Variants in GPAT3 observed in about 807,000 individuals in gnomAD.
GPAT3 encodes glycerol-3-phosphate acyltransferase 3, also known as 1-AGP acyltransferase 9.
Under a neutral mutation model 58.8 loss-of-function variants are expected in GPAT3, and 53 were observed. The ratio of observed to expected loss-of-function variants is 0.90; its 90% CI spans 0.72 to 1.13. The LOEUF (loss-of-function observed/expected upper bound fraction) is 1.13, where lower values mean the gene tolerates loss of function less well. Among genes scored for constraint, GPAT3 ranks in the 50% most tolerant of loss-of-function variants. GPAT3 has a pLI of 0.00. For synonymous variants in GPAT3, 197 were observed against 187.4 expected (o/e 1.05, Z -0.42); for missense variants, 511 against 527.6 (o/e 0.97, Z 0.31).
Position 83,587,290 on chromosome 4 carries a change from T to C in GPAT3, c.515T>C (p.Val172Ala). 1 of 1,614,072 alleles carries C rather than the reference T, an allele frequency of 6.2e-7. No individual in the cohort carries two copies. The highest frequency in any genetic ancestry group is 1.1e-5 in the South Asian group (1 of 91,068). Residue 172 changes from valine (V) to alanine (A), a missense_variant, in exon 4 of 12, where the codon GTT becomes GCT. Val to Ala is a moderately conservative substitution (Grantham distance 64, BLOSUM62 0). Coordinates refer to ENST00000264409, the MANE Select transcript of GPAT3 (RefSeq NM_032717.5). Reference sequence around the variant, plus strand: ...GCTTTCATTGGGATCAGTTTGCTGGTTATAGGAACTACACTGGTTGGGCAG... The same window carrying C: ...GCTTTCATTGGGATCAGTTTGCTGGCTATAGGAACTACACTGGTTGGGCAG... ...TLAFIGISLL[V>A]IGTTLVGQLP...
rs1404542486 is a variant in GPAT3, at chr4:83,598,095, C to A, written c.1041C>A (p.Tyr347Ter). 1 of 1,613,338 alleles carries A rather than the reference C, an allele frequency of 6.2e-7. No individual in the cohort carries two copies. The change falls in exon 10 of 12, where the codon TAC becomes TAA. Residue 347 changes from tyrosine (Y) to a stop codon, truncating the protein, a stop_gained. Coordinates refer to ENST00000264409, the MANE Select transcript of GPAT3 (RefSeq NM_032717.5). LOFTEE classifies it high-confidence loss of function. Reference protein sequence around the residue: ...FGDAFWNSSKYNMVSYLLRMM... With the variant: ...FGDAFWNSSK The stretch of plus-strand genomic sequence containing the variant: ...ATGCATTTTGGAACAGTAGTAAATA[C>A]AACATGGTGAGCTACCTGCTTCGAA...
At chr4:83,574,651 T>TAGAA (rs1352678306) in intron 2 of GPAT3, among the ~76,000 whole-genome samples, 8 of 82,766 alleles carry the variant, frequency 9.7e-5, no homozygotes, top group African/African-American at 3.2e-4. Context: ...TTTTTTTTTT[T>TAGAA]TTTTTTTTTT....
intron 2 of GPAT3, among the ~76,000 whole-genome samples, chr4:83,580,059 C>T (rs1726049521): frequency 6.6e-6 from 1 of 152,066 alleles, no homozygotes; most frequent in African/African-American, 2.4e-5. Context: ...TGATACACCC[C>T]AAAGGAACCA....
chr4:83,542,312 A>G (rs1272818778), intron 1 of GPAT3, among the ~76,000 whole-genome samples: 2 of 152,240 alleles, frequency 1.3e-5, no homozygotes, highest in Non-Finnish European at 2.9e-5. Flanking sequence ...AAACTATGGA[A>G]ACAGTTACCT....
chr4:83,598,065 C>T lies in GPAT3; in HGVS notation c.1011C>T (p.Phe337=), dbSNP rs764983189. 103 of 1,613,330 alleles carry T rather than the reference C, an allele frequency of 6.4e-5. No individual in the cohort carries two copies. Among genetic ancestry groups the T allele is most frequent in the Non-Finnish European group, 7.4e-5 (87 of 1,179,810 alleles). ...TTTTTTCTCAGTATAACCCTCAGTT[C>T]GGTGATGCATTTTGGAACAGTAGTA... ...HPVAIKYNPQ[F]GDAFWNSSKY... is the part of the protein sequence containing the mutation. The change falls in exon 10 of 12, where the codon TTC becomes TTT. Residue 337 remains phenylalanine, a synonymous_variant. Transcript: ENST00000264409.
chr4:83,559,863 A>G (rs1331830504), intron 2 of GPAT3, among the ~76,000 whole-genome samples: 1 of 152,160 alleles, frequency 6.6e-6, no homozygotes, highest in Non-Finnish European at 1.5e-5. Flanking sequence ...AGTAGATAGC[A>G]GTGCTTCTGT....
At chr4:83,539,347 A>G (rs1345324125) in intron 1 of GPAT3, among the ~76,000 whole-genome samples, 1 of 152,216 alleles carries the variant, frequency 6.6e-6, no homozygotes, top group Non-Finnish European at 1.5e-5. Context: ...TCCCAAGAAT[A>G]TTCTTTGGGC....
chr4:83,560,521 G>A (rs1356645060), intron 2 of GPAT3, among the ~76,000 whole-genome samples: 1 of 152,078 alleles, frequency 6.6e-6, no homozygotes, highest in Non-Finnish European at 1.5e-5. Context: ...AGGATGCAGG[G>A]GATACTGAGG....
chr4:83,600,232 C>T (rs1727007391), intron 11 of GPAT3, among the ~76,000 whole-genome samples: 1 of 152,146 alleles, frequency 6.6e-6, no homozygotes, highest in Non-Finnish European at 1.5e-5. Context: ...TTGCAGATAG[C>T]TGCATTCTCC....
At chr4:83,585,127 A>C (rs11722160) in intron 3 of GPAT3, among the ~76,000 whole-genome samples, 27,762 of 152,124 alleles carry the variant, frequency 0.18, 3,238 homozygotes, top group East Asian at 0.32. Flanking sequence ...ACAATAATTT[A>C]GTTATTGCAT....
At chr4:83,574,082 G>C (rs1165924194) in intron 2 of GPAT3, among the ~76,000 whole-genome samples, 3 of 152,188 alleles carry the variant, frequency 2.0e-5, no homozygotes, top group Non-Finnish European at 2.9e-5. Flanking sequence ...GCTTATGACT[G>C]GGTGGGGTTC....
chr4:83,592,625 C>G (rs970664080), intron 6 of GPAT3, among the ~76,000 whole-genome samples: 1 of 152,116 alleles, frequency 6.6e-6, no homozygotes, highest in African/African-American at 2.4e-5. Flanking sequence ...TTGTTTTTCC[C>G]TCTAGACAAA....
intron 2 of GPAT3, among the ~76,000 whole-genome samples, chr4:83,559,019 A>G (rs2110080498): frequency 6.6e-6 from 1 of 152,328 alleles, no homozygotes; most frequent in Middle Eastern, 3.4e-3. Flanking sequence ...AAAGAATTAT[A>G]TTGTATATAA....
intron 2 of GPAT3, among the ~76,000 whole-genome samples, chr4:83,546,159 A>G (rs1445452082): frequency 1.3e-5 from 2 of 151,768 alleles, no homozygotes; most frequent in African/African-American, 2.4e-5. Flanking sequence ...TAATTTTTGT[A>G]TTTTTAGTAG....
At chr4:83,564,056 G>A (rs1725288817) in intron 2 of GPAT3, among the ~76,000 whole-genome samples, 1 of 152,148 alleles carries the variant, frequency 6.6e-6, no homozygotes, top group East Asian at 1.9e-4. Flanking sequence ...CTCTGTCAGA[G>A]AACATGTGTG....
upstream of GPAT3, chr4:83,535,748 T>C: frequency 1.0e-6 from 1 of 984,812 alleles, no homozygotes; most frequent in Non-Finnish European, 1.2e-6. Context: ...GGGAAGGAGG[T>C]GTGGAAGCCA....
chr4:83,577,031 C>G (rs1368160391), intron 2 of GPAT3, among the ~76,000 whole-genome samples: 1 of 152,192 alleles, frequency 6.6e-6, no homozygotes, highest in Non-Finnish European at 1.5e-5. Flanking sequence ...CATCACCAGT[C>G]ATGACAACTG....
chr4:83,582,127 G>C (rs1010365684), intron 3 of GPAT3, among the ~76,000 whole-genome samples: 1 of 151,334 alleles, frequency 6.6e-6, no homozygotes, highest in Non-Finnish European at 1.5e-5. Context: ...TGAAGAAGAA[G>C]AAGAGGAAGA....
intron 3 of GPAT3, among the ~76,000 whole-genome samples, chr4:83,583,651 A>AGTGAG (rs1726249144): frequency 8.5e-6 from 1 of 117,686 alleles, no homozygotes. Context: ...TGGGTGACAG[A>AGTGAG]GCGAGACTCT....
Sources: allele counts gnomAD v4.1 joint callset (sites outside exome capture counted in the v4.1 genomes callset), GRCh38; gene constraint gnomAD v4.1.1; transcripts MANE v1.5; gene names NCBI Gene and HGNC (gene_info 2026-07-23, HGNC 2026-07-21).